Variants in FNTA observed in about 807,000 individuals in gnomAD.
FNTA encodes farnesyltransferase, CAAX box, subunit alpha, also known as protein farnesyltransferase/geranylgeranyltransferase type-1 subunit alpha.
A neutral mutation model predicts 55.2 loss-of-function variants in FNTA; 27 were observed. The ratio of observed to expected loss-of-function variants is 0.49; its 90% confidence interval spans 0.36 to 0.67. FNTA has a LOEUF of 0.67. Ranked by LOEUF, FNTA falls within the 30% of genes least tolerant of loss-of-function variation. The pLI is 0.00. For missense variants in FNTA, 422 were observed against 464.7 expected, an observed-to-expected ratio of 0.91 and a Z score of 0.85; for synonymous variants, 176 against 170.7, an observed-to-expected ratio of 1.03 and a Z score of -0.24.
chr8:43,069,654 A>T lies in FNTA; in HGVS notation c.501A>T (p.Gln167His). ...TTGAGGAGCAGCCCAAAAACTATCAAGTTTGGTAAGTTTGGAGTCTAGCTG... is the reference window on the plus strand; with the variant it reads ...TTGAGGAGCAGCCCAAAAACTATCATGTTTGGTAAGTTTGGAGTCTAGCTG... Reference protein sequence around the residue: ...AIIEEQPKNYQVWHHRRVLVE... With the variant: ...AIIEEQPKNYHVWHHRRVLVE... Residue 167 changes from glutamine to histidine, a missense_variant, in exon 4 of 9, where the codon CAA becomes CAT. Physicochemically the swap from Gln to His is conservative, Grantham distance 24 (BLOSUM62 0). This residue lies in a region of FNTA where 262 missense variants were observed against 343.1 expected (regional missense o/e 0.76). Transcript: ENST00000302279. 1 of 1,600,806 alleles carries T rather than the reference A, an allele frequency of 6.2e-7. No individual in the cohort carries two copies. The highest frequency in any genetic ancestry group is 8.6e-7 in the Non-Finnish European group (1 of 1,168,758).
chr8:43,079,078 C>A, intron 6 of FNTA: 1 of 155,696 alleles, frequency 6.4e-6, no homozygotes, highest in South Asian at 1.9e-4. Context: ...GAGGTTGGTT[C>A]ATGAGGTATA....
At chr8:43,062,127 G>A (rs1810546895) in intron 2 of FNTA, among the ~76,000 whole-genome samples, 1 of 151,994 alleles carries the variant, frequency 6.6e-6, no homozygotes, top group Non-Finnish European at 1.5e-5. Flanking sequence ...ATCCCAGCCT[G>A]ATAGCCTCCC....
chr8:43,076,745 C>T (rs10111452), intron 5 of FNTA: 133,215 of 152,188 alleles, frequency 0.88, 59,082 homozygotes, highest in Non-Finnish European at 0.96. Flanking sequence ...GGTGTGGTGG[C>T]GCATGCTTGT....
chr8:43,059,290 T>A (rs1810480278), intron 2 of FNTA, 113 bp downstream of exon 2: 1 of 671,864 alleles, frequency 1.5e-6, no homozygotes, highest in South Asian at 2.0e-5. Context: ...AAAATCTGAA[T>A]GACTTAAGAT....
intron 2 of FNTA, among the ~76,000 whole-genome samples, chr8:43,061,908 G>A (rs996657197): frequency 6.6e-6 from 1 of 151,978 alleles, no homozygotes; most frequent in Non-Finnish European, 1.5e-5. Flanking sequence ...TAGTAGAGAC[G>A]GGGTTTCTCC....
In FNTA at chr8:43,059,175, A is replaced by G; in HGVS notation, c.284A>G (p.Lys95Arg). Residue 95 changes from lysine (K) to arginine (R), a missense_variant and splice_region_variant, in exon 2 of 9, where the codon AAA becomes AGA. Physicochemically the swap from Lys to Arg is conservative, Grantham distance 26. Around this residue, in one of 2 missense-constraint regions of FNTA, gnomAD observed 262 missense variants for 343.1 expected, o/e 0.76. Transcript: ENST00000302279. ...NPVVQIIYSD[K>R]FRDVYDYFRA... ...GTGGTCCAGATCATTTATAGTGACA[A>G]ATGTAAGTTTGTTTATATTAGGAAA... The G allele has an allele frequency of 1.2e-6, 2 of 1,608,062 alleles. No homozygotes were observed. Among genetic ancestry groups the G allele is most frequent in the Non-Finnish European group, 1.7e-6 (2 of 1,176,800 alleles).
chr8:43,063,491 A>T (rs1020109526), intron 2 of FNTA, among the ~76,000 whole-genome samples: 1 of 151,892 alleles, frequency 6.6e-6, no homozygotes, highest in African/African-American at 2.4e-5. Flanking sequence ...AAGTATTTGT[A>T]CTAGTTTACA....
intron 3 of FNTA, 113 bp downstream of exon 3, chr8:43,064,328 G>T (rs1047507808): frequency 1.2e-5 from 8 of 660,548 alleles, no homozygotes; most frequent in Non-Finnish European, 2.1e-5. Flanking sequence ...TTTTTTGGAG[G>T]GGGGTGCAGT....
At chr8:43,071,713 A>G (rs947765218) in intron 4 of FNTA, among the ~76,000 whole-genome samples, 2 of 147,666 alleles carry the variant, frequency 1.4e-5, no homozygotes, top group Non-Finnish European at 3.0e-5. Flanking sequence ...AAAAAAAAAC[A>G]AAAAAACTCC....
chr8:43,084,953 A>T, intron 8 of FNTA, 72 bp downstream of exon 8: 1 of 1,419,982 alleles, frequency 7.0e-7, no homozygotes, highest in Non-Finnish European at 9.8e-7. Context: ...ACTAATATCC[A>T]TGTCCCCTTT....
At chr8:43,070,693 G>A (rs1563328004) in intron 4 of FNTA, among the ~76,000 whole-genome samples, 1 of 152,218 alleles carries the variant, frequency 6.6e-6, no homozygotes, top group Non-Finnish European at 1.5e-5. Flanking sequence ...TGAAATTGTT[G>A]TACATTTCTA....
intron 3 of FNTA, among the ~76,000 whole-genome samples, chr8:43,064,477 T>G (rs995742887): frequency 7.2e-5 from 11 of 151,978 alleles, no homozygotes; most frequent in Admixed American, 3.9e-4. Flanking sequence ...CACGCCCAGC[T>G]AATTTTTTTG....
At chr8:43,059,415 T>TA (rs2130540031) in intron 2 of FNTA, among the ~76,000 whole-genome samples, 1 of 152,334 alleles carries the variant, frequency 6.6e-6, no homozygotes, top group East Asian at 1.9e-4. Flanking sequence ...GTATAGTAGA[T>TA]AATAGCTACT....
intron 5 of FNTA, among the ~76,000 whole-genome samples, chr8:43,073,920 CA>C (rs1454907596): frequency 2.0e-5 from 3 of 152,150 alleles, no homozygotes; most frequent in African/African-American, 7.2e-5. Context: ...ATTAATATTT[CA>C]GTTATTTTCA....
intron 1 of FNTA, among the ~76,000 whole-genome samples, chr8:43,058,176 A>G (rs1255094929): frequency 6.6e-6 from 1 of 151,914 alleles, no homozygotes; most frequent in Non-Finnish European, 1.5e-5. Context: ...ATACCCTTCT[A>G]AGGTTGGTAG....
intron 4 of FNTA, among the ~76,000 whole-genome samples, chr8:43,070,807 C>T (rs1262409803): frequency 6.6e-6 from 1 of 152,202 alleles, no homozygotes; most frequent in African/African-American, 2.4e-5. Context: ...AAAACTTATG[C>T]TATAACATAA....
intron 2 of FNTA, chr8:43,063,423 T>A (rs564239390): frequency 7.5e-6 from 3 of 401,766 alleles, no homozygotes; most frequent in South Asian, 5.3e-5. Context: ...GTGAGAGAAC[T>A]TTCTAGAGCT....
At position 43,059,127 on chromosome 8, in the gene FNTA, C is replaced by G. The variant is rs748129607; in HGVS notation, c.236C>G (p.Pro79Arg). ...RAEWADIDPV[P>R]QNDGPNPVVQ... ...GAATGGGCTGATATAGATCCGGTGC[C>G]GCAGAATGATGGCCCCAATCCCGTG... Residue 79 changes from proline to arginine, a missense_variant, in exon 2 of 9, where the codon CCG becomes CGG. Pro to Arg is a moderately radical substitution (Grantham distance 103, BLOSUM62 -2). This residue lies in a region of FNTA where 160 missense variants were observed against 121.6 expected (regional missense o/e 1.32). Coordinates refer to ENST00000302279, the MANE Select transcript of FNTA (RefSeq NM_002027.3). 6.2e-7 allele frequency: 1 copy of G among 1,613,554 alleles called. No individual in the cohort carries two copies. Among genetic ancestry groups the G allele is most frequent in the East Asian group, 2.2e-5 (1 of 44,846 alleles).
chr8:43,070,096 A>C (rs1004495563), intron 4 of FNTA: 1 of 151,522 alleles, frequency 6.6e-6, no homozygotes, highest in African/African-American at 2.4e-5. Context: ...TCTACTAAAA[A>C]TACAGAAATT....
Sources: allele counts gnomAD v4.1 joint callset (sites outside exome capture counted in the v4.1 genomes callset), GRCh38; gene constraint gnomAD v4.1.1; regional missense constraint gnomAD v4.1.1; transcripts MANE v1.5; gene names NCBI Gene and HGNC (gene_info 2026-07-23, HGNC 2026-07-21).